The following ROBO1 variants were observed in gnomAD, a reference collection of about 807,000 sequenced individuals.
ROBO1 encodes the protein roundabout guidance receptor 1.
In ROBO1, 149 loss-of-function variants were observed where a neutral mutation model predicts 195.9. The ratio of observed to expected loss-of-function variants is 0.76; its 90% CI spans 0.67 to 0.87. ROBO1 has a LOEUF of 0.87. ROBO1 is among the 40% of genes least tolerant of loss of function. ROBO1 has a pLI of 0.00. For missense variants in ROBO1, 1,933 were observed against 2,068.3 expected (o/e 0.93, Z 1.27); for synonymous variants, 816 against 733.2 (o/e 1.11, Z -1.82).
chr3:79,160,390 A>C (rs1008766076), intron 2 of ROBO1, among the ~76,000 whole-genome samples: 2 of 152,008 alleles, frequency 1.3e-5, no homozygotes, highest in African/African-American at 4.8e-5. Context: ...CAAATTTTGC[A>C]AATATTTTCA....
At chr3:78,671,176 T>G (rs1463619226) in intron 10 of ROBO1, among the ~76,000 whole-genome samples, 1 of 152,142 alleles carries the variant, frequency 6.6e-6, no homozygotes, top group Non-Finnish European at 1.5e-5. Flanking sequence ...TCTAAAAACT[T>G]TATCTGACAT....
chr3:79,004,012 C>G (rs2077565526), intron 3 of ROBO1, among the ~76,000 whole-genome samples: 1 of 152,128 alleles, frequency 6.6e-6, no homozygotes, highest in Non-Finnish European at 1.5e-5. Context: ...TGCACTATAC[C>G]ATAATCAGTC....
intron 2 of ROBO1, among the ~76,000 whole-genome samples, chr3:79,204,110 T>C (rs1392203492): frequency 1.3e-5 from 2 of 152,314 alleles, no homozygotes; most frequent in Non-Finnish European, 1.5e-5. Flanking sequence ...GTTGTACATA[T>C]TTTTGAGGTA....
chr3:79,311,534 A>T (rs945279425), intron 2 of ROBO1, among the ~76,000 whole-genome samples: 4 of 152,176 alleles, frequency 2.6e-5, no homozygotes, highest in Non-Finnish European at 5.9e-5. Flanking sequence ...TACTATAAGC[A>T]TGCTGTCAGG....
intron 3 of ROBO1, among the ~76,000 whole-genome samples, chr3:78,944,606 T>G (rs1375187481): frequency 2.0e-5 from 3 of 152,218 alleles, no homozygotes; most frequent in African/African-American, 7.2e-5. Flanking sequence ...GACCAGTGAT[T>G]TCTGCATTTC....
intron 2 of ROBO1, among the ~76,000 whole-genome samples, chr3:79,550,196 GA>G (rs371642470): frequency 2.1e-3 from 13 of 6,256 alleles, no homozygotes; most frequent in South Asian, 5.0e-3. Flanking sequence ...AGAAAGAAAG[GA>G]AAAGAAAAGA....
chr3:78,673,508 AATAATAT>A (rs1708188551), intron 10 of ROBO1, among the ~76,000 whole-genome samples: 1 of 140,202 alleles, frequency 7.1e-6, no homozygotes, highest in Admixed American at 7.5e-5. Flanking sequence ...AAATATATAA[AATAATAT>A]ATAATATATA....
intron 2 of ROBO1, among the ~76,000 whole-genome samples, chr3:79,475,066 C>T (rs1258748469): frequency 6.6e-6 from 1 of 151,628 alleles, no homozygotes. Flanking sequence ...CTGTATACAA[C>T]AGAATTCTTT....
At chr3:78,607,628 C>T (rs892712644) in intron 28 of ROBO1, among the ~76,000 whole-genome samples, 1 of 152,304 alleles carries the variant, frequency 6.6e-6, no homozygotes, top group East Asian at 1.9e-4. Context: ...TGTACTGTAA[C>T]TTTCTCTCTC....
At chr3:78,721,010 A>ATGGGTGC (rs1363858715) in intron 5 of ROBO1, among the ~76,000 whole-genome samples, 1 of 151,620 alleles carries the variant, frequency 6.6e-6, no homozygotes, top group African/African-American at 2.4e-5. Context: ...TGATGAGTTG[A>ATGGGTGC]TGGGTGCAGC....
intron 2 of ROBO1, among the ~76,000 whole-genome samples, chr3:79,160,594 G>A (rs746288524): frequency 2.4e-4 from 37 of 151,950 alleles, no homozygotes; most frequent in Admixed American, 6.6e-5. Context: ...ATATAAACTT[G>A]TAAAATTTAA....
At chr3:79,101,336 C>G (rs1435738815) in intron 3 of ROBO1, among the ~76,000 whole-genome samples, 1 of 151,770 alleles carries the variant, frequency 6.6e-6, no homozygotes, top group Non-Finnish European at 1.5e-5. Context: ...CTCTTATTAA[C>G]AATTTGTGAT....
chr3:79,373,491 A>ACACCTAGCAAGCATAGCTAGT (rs1281136001), intron 2 of ROBO1, among the ~76,000 whole-genome samples: 1 of 152,194 alleles, frequency 6.6e-6, no homozygotes, highest in East Asian at 1.9e-4. Flanking sequence ...CTCTATTATC[A>ACACCTAGCAAGCATAGCTAGT]CACCTAGCAA....
intron 2 of ROBO1, among the ~76,000 whole-genome samples, chr3:79,537,733 T>C (rs1941925097): frequency 6.6e-6 from 1 of 150,560 alleles, no homozygotes; most frequent in Non-Finnish European, 1.5e-5. Flanking sequence ...GGGGTCCTGT[T>C]GGGGGAGTGG....
At chr3:79,597,551 A>C (rs1024200468) in intron 1 of ROBO1, among the ~76,000 whole-genome samples, 18 of 152,158 alleles carry the variant, frequency 1.2e-4, no homozygotes, top group African/African-American at 4.3e-4. Context: ...ATTTAGCTTA[A>C]GTACTTCATA....
intron 1 of ROBO1, among the ~76,000 whole-genome samples, chr3:79,693,568 G>T (rs1212422133): frequency 6.6e-6 from 1 of 151,528 alleles, no homozygotes; most frequent in Non-Finnish European, 1.5e-5. Context: ...AGTAGGTAGG[G>T]CTACAGTTGT....
In ROBO1 at chr3:79,405,781, G is replaced by A. The variant is rs924418810; in HGVS notation, c.88+184043C>T. ...TGCAAAAGAGATTTCTAAAAAATAC[G>A]TAAAATATGGTAGTTTGGGAAAGGG... On this transcript the variant is annotated intron_variant, in intron 2 of 30. Coordinates refer to ENST00000464233, the MANE Select transcript of ROBO1 (RefSeq NM_002941.4). Among the ~76,000 whole-genome samples, 9 of 152,172 alleles carry A rather than the reference G, an allele frequency of 5.9e-5. 1 individual carries two copies. Among genetic ancestry groups the A allele is most frequent in the South Asian group, 4.1e-4 (2 of 4,830 alleles).
intron 2 of ROBO1, among the ~76,000 whole-genome samples, chr3:79,252,750 T>A (rs375967989): frequency 6.6e-6 from 1 of 152,318 alleles, no homozygotes; most frequent in East Asian, 1.9e-4. Flanking sequence ...TCTACTCATA[T>A]AATAAATATA....
intron 2 of ROBO1, among the ~76,000 whole-genome samples, chr3:79,380,548 G>A (rs770107623): frequency 1.1e-4 from 17 of 151,970 alleles, no homozygotes; most frequent in Non-Finnish European, 2.1e-4. Context: ...GTCACTTTTA[G>A]TTTGCATTTT....
Sources: gnomAD v4.1 joint callset for allele counts (sites outside exome capture counted in the v4.1 genomes callset) on GRCh38, gnomAD v4.1.1 for gene constraint, MANE v1.5 for transcripts, NCBI Gene and HGNC (gene_info 2026-07-23, HGNC 2026-07-21) for gene names.